The following ARMH3 variants were observed in gnomAD, a reference collection of about 807,000 sequenced individuals.
ARMH3 encodes armadillo-like helical domain-containing protein 3.
In ARMH3, 60 loss-of-function variants were observed where a neutral mutation model predicts 99.1. The observed-to-expected ratio is 0.61, with a 90% confidence interval of 0.49 to 0.75. The LOEUF is 0.75. Ranked by LOEUF, ARMH3 falls within the 30% of genes least tolerant of loss-of-function variation. The probability of loss-of-function intolerance (pLI) is 0.00; values close to 1 mark genes in which losing one functional copy is unlikely to be tolerated. For missense variants in ARMH3, 679 were observed against 843.1 expected, an observed-to-expected ratio of 0.81 and a Z score of 2.41; for synonymous variants, 285 against 292.8, an observed-to-expected ratio of 0.97 and a Z score of 0.27.
chr10:101,875,866 C>A (rs1033768586), intron 24 of ARMH3, among the ~76,000 whole-genome samples: 3 of 152,102 alleles, frequency 2.0e-5, no homozygotes, highest in African/African-American at 7.2e-5. Flanking sequence ...ATTACAGATC[C>A]AACACACACA....
intron 6 of ARMH3, 138 bp from the exon 7 acceptor site, chr10:102,023,887 C>T (rs1652802725): frequency 3.9e-6 from 3 of 768,010 alleles, no homozygotes; most frequent in Non-Finnish European, 6.3e-6. Flanking sequence ...TTCACAAGTG[C>T]CCCTTAAGTC....
chr10:101,936,815 T>C (rs1844001508), intron 23 of ARMH3, among the ~76,000 whole-genome samples: 1 of 152,176 alleles, frequency 6.6e-6, no homozygotes, highest in Non-Finnish European at 1.5e-5. Context: ...CAGAGGAAGA[T>C]TATTCACCCT....
intron 23 of ARMH3, among the ~76,000 whole-genome samples, chr10:101,931,418 G>T (rs1007949808): frequency 6.6e-6 from 1 of 152,052 alleles, no homozygotes; most frequent in African/African-American, 2.4e-5. Context: ...CTGGCTACTC[G>T]GGAGGCTGAG....
chr10:102,029,510 G>T, intron 5 of ARMH3, 128 bp downstream of exon 5: 2 of 1,585,186 alleles, frequency 1.3e-6, no homozygotes, highest in Non-Finnish European at 8.6e-7. Context: ...ACATCTAAAT[G>T]CAAGGCCAAA....
chr10:101,987,411 G>C (rs1319358394), intron 19 of ARMH3, among the ~76,000 whole-genome samples: 1 of 152,144 alleles, frequency 6.6e-6, no homozygotes, highest in African/African-American at 2.4e-5. Flanking sequence ...AGTCAGCATA[G>C]TCACTCTATA....
At chr10:101,980,432 C>T (rs572304488) in intron 19 of ARMH3, among the ~76,000 whole-genome samples, 7 of 152,098 alleles carry the variant, frequency 4.6e-5, no homozygotes, top group South Asian at 2.1e-4. Flanking sequence ...CTAAGTAGCT[C>T]GGATTACAGA....
At chr10:101,896,221 C>A (rs1381018070) in intron 23 of ARMH3, among the ~76,000 whole-genome samples, 1 of 150,646 alleles carries the variant, frequency 6.6e-6, no homozygotes, top group Non-Finnish European at 1.5e-5. Flanking sequence ...AGAGCACAGA[C>A]CCTGTCTCAA....
At chr10:101,980,579 G>A (rs898740772) in intron 19 of ARMH3, among the ~76,000 whole-genome samples, 6 of 152,142 alleles carry the variant, frequency 3.9e-5, no homozygotes, top group South Asian at 2.1e-4. Flanking sequence ...GATTACAGGC[G>A]GGAGCCACCG....
At position 101,948,952 on chromosome 10, in the gene ARMH3, C is replaced by T. The variant is rs577987315; in HGVS notation, c.1705+7645G>A. ...CTAACAGAAGAATATCTGGAAAATCCCCAAGTATTTGAAAATTAAGCAACA... is the reference window on the plus strand; with the variant it reads ...CTAACAGAAGAATATCTGGAAAATCTCCAAGTATTTGAAAATTAAGCAACA... On this transcript the variant is annotated intron_variant, in intron 22 of 25. Transcript: ENST00000370033. Among the ~76,000 whole-genome samples, 4 of 151,872 alleles carry T rather than the reference C, an allele frequency of 2.6e-5. No individual in the cohort carries two copies. The South Asian group carries it at 8.3e-4, about 32-fold the overall frequency.
chr10:101,901,105 G>A (rs545328655), intron 23 of ARMH3, among the ~76,000 whole-genome samples: 2 of 151,516 alleles, frequency 1.3e-5, no homozygotes, highest in South Asian at 4.2e-4. Context: ...TAGACTAGAT[G>A]AGCCATACAT....
chr10:101,957,549 T>TC, intron 21 of ARMH3, 101 bp downstream of exon 21: 3 of 1,317,178 alleles, frequency 2.3e-6, no homozygotes, highest in Non-Finnish European at 2.1e-6. Flanking sequence ...TCTGGTTCCC[T>TC]CTATGGCTTA....
intron 19 of ARMH3, among the ~76,000 whole-genome samples, chr10:101,990,042 A>G (rs1051563312): frequency 3.9e-5 from 6 of 152,182 alleles, no homozygotes; most frequent in Non-Finnish European, 7.4e-5. Flanking sequence ...TCATGCGGAT[A>G]TGTGCAGAAT....
rs529780523 is a variant in ARMH3, at chr10:101,991,375, G to A, written c.1345+594C>T. Among the ~76,000 whole-genome samples, 42 of 152,176 alleles carry A rather than the reference G, an allele frequency of 2.8e-4. No homozygotes were observed. In the East Asian group the frequency reaches 7.7e-3, roughly 28 times the overall value. On this transcript the variant is annotated intron_variant, in intron 18 of 25. Transcript: ENST00000370033. ...AGCACATCAATTCAAACCAAGAAAGGATGGGAAGAATTTGAAATCTTTTTT... is the reference window on the plus strand; with the variant it reads ...AGCACATCAATTCAAACCAAGAAAGAATGGGAAGAATTTGAAATCTTTTTT...
intron 12 of ARMH3, among the ~76,000 whole-genome samples, chr10:102,009,756 T>C (rs2066588530): frequency 6.6e-6 from 1 of 152,302 alleles, no homozygotes; most frequent in East Asian, 1.9e-4. Flanking sequence ...ATTGCAGAGA[T>C]AGTCTGGCAA....
intron 20 of ARMH3, among the ~76,000 whole-genome samples, chr10:101,960,141 G>A (rs1845219642): frequency 6.6e-6 from 1 of 151,888 alleles, no homozygotes; most frequent in Non-Finnish European, 1.5e-5. Flanking sequence ...TCGCACCACT[G>A]CACTCCACCT....
chr10:101,886,827 C>G (rs2067558682), intron 24 of ARMH3, among the ~76,000 whole-genome samples: 1 of 152,158 alleles, frequency 6.6e-6, no homozygotes. Flanking sequence ...AGTGCCCTGT[C>G]TTCTCTGCTA....
At chr10:101,921,770 A>G (rs1021639413) in intron 23 of ARMH3, among the ~76,000 whole-genome samples, 1 of 152,232 alleles carries the variant, frequency 6.6e-6, no homozygotes. Context: ...CATAGGTAGT[A>G]GCTAAAAAGT....
chr10:101,939,971 A>G (rs1184348125), intron 22 of ARMH3, 33 bp from the exon 23 acceptor site: 1 of 1,585,908 alleles, frequency 6.3e-7, no homozygotes, highest in Middle Eastern at 1.7e-4. Context: ...GATCTGTCAA[A>G]CCCCCGGCAT....
chr10:101,879,233 C>T (rs1053385052), intron 24 of ARMH3, among the ~76,000 whole-genome samples: 1 of 152,202 alleles, frequency 6.6e-6, no homozygotes, highest in Non-Finnish European at 1.5e-5. Flanking sequence ...GTCAGACAGA[C>T]CTAGGTTCAC....
Sources: gnomAD v4.1 joint callset for allele counts (sites outside exome capture counted in the v4.1 genomes callset) on GRCh38, gnomAD v4.1.1 for gene constraint, MANE v1.5 for transcripts, NCBI Gene and HGNC (gene_info 2026-07-23, HGNC 2026-07-21) for gene names.